PCDHGA9: variants seen among roughly 807,000 people sequenced by gnomAD.
PCDHGA9 encodes the protein protocadherin gamma-A9.
In PCDHGA9, 37 loss-of-function variants were observed where a neutral mutation model predicts 62.5. The ratio of observed to expected loss-of-function variants is 0.59; its 90% CI spans 0.46 to 0.78. The LOEUF is 0.78. PCDHGA9 is among the 30% of genes least tolerant of loss of function. PCDHGA9 has a pLI of 0.00. For missense variants in PCDHGA9, 1,138 were observed against 1,166.2 expected (o/e 0.98, Z 0.35); for synonymous variants, 459 against 484.6 (o/e 0.95, Z 0.69).
chr5:141,467,321 G>A (rs2099141786), intron 1 of PCDHGA9, among the ~76,000 whole-genome samples: 2 of 152,024 alleles, frequency 1.3e-5, no homozygotes, highest in East Asian at 1.9e-4. Context: ...CCACAGTGCT[G>A]GGATTAGAGA....
chr5:141,415,761 T>G (rs1047830043), intron 1 of PCDHGA9: 49 of 1,399,492 alleles, frequency 3.5e-5, no homozygotes, highest in Admixed American at 1.6e-4. Context: ...TTTTTTTTTT[T>G]TTTTTTTTTT....
Position 141,405,332 on chromosome 5 carries a change from T to C in PCDHGA9, c.2380T>C (p.Ser794Pro). Residue 794 changes from serine to proline, a missense_variant, in exon 1 of 4, where the codon TCT becomes CCT. Ser to Pro is a moderately conservative substitution (Grantham distance 74). Transcript: ENST00000573521. ...SCEKNEPLCV[S>P]VDSKFPIEDT... ...TGAGAAAAATGAGCCTTTGTGCGTC[T>C]CTGTTGATTCCAAGTTTCCTATAGA... 6.2e-7 allele frequency: 1 copy of C among 1,614,222 alleles called. No homozygotes were observed. Among genetic ancestry groups the C allele is most frequent in the Non-Finnish European group, 8.5e-7 (1 of 1,180,030 alleles).
chr5:141,506,162 C>T (rs1448735916), intron 3 of PCDHGA9, among the ~76,000 whole-genome samples: 1 of 152,124 alleles, frequency 6.6e-6, no homozygotes, highest in Non-Finnish European at 1.5e-5. Flanking sequence ...CTTAAGAGCA[C>T]AGCCTAAGCT....
At chr5:141,408,697 C>T (rs58047392) in intron 1 of PCDHGA9, 227,396 of 1,612,898 alleles carry the variant, frequency 0.14, 18,149 homozygotes, top group African/African-American at 0.31. Context: ...TAAACATAAA[C>T]TCAATTAAAG....
At chr5:141,502,724 C>T (rs1288841230) in intron 2 of PCDHGA9, among the ~76,000 whole-genome samples, 2 of 152,134 alleles carry the variant, frequency 1.3e-5, no homozygotes, top group African/African-American at 4.8e-5. Context: ...GATTACAAAG[C>T]GGTGATGTTC....
intron 1 of PCDHGA9, among the ~76,000 whole-genome samples, chr5:141,454,353 A>G (rs2098787486): frequency 1.3e-5 from 2 of 152,238 alleles, no homozygotes; most frequent in Non-Finnish European, 2.9e-5. Context: ...AGTTGATCCA[A>G]ACTTAGAAAG....
intron 1 of PCDHGA9, chr5:141,418,261 G>T (rs763160633): frequency 1.9e-6 from 3 of 1,613,938 alleles, no homozygotes; most frequent in Non-Finnish European, 2.5e-6. Flanking sequence ...CTCAATTCCG[G>T]AAAGATGAAA....
At chr5:141,441,820 G>A in intron 1 of PCDHGA9, 1 of 359,390 alleles carries the variant, frequency 2.8e-6, no homozygotes, top group Non-Finnish European at 5.5e-6. Flanking sequence ...CCCAGCTCTG[G>A]AGCGCAATGG....
intron 1 of PCDHGA9, among the ~76,000 whole-genome samples, chr5:141,425,440 A>G (rs1438530374): frequency 2.0e-5 from 3 of 152,248 alleles, no homozygotes; most frequent in Non-Finnish European, 4.4e-5. Flanking sequence ...GAGGATAAAA[A>G]TAAAACACCA....
At chr5:141,445,490 C>A (rs1181158971) in intron 1 of PCDHGA9, among the ~76,000 whole-genome samples, 1 of 152,134 alleles carries the variant, frequency 6.6e-6, no homozygotes, top group African/African-American at 2.4e-5. Flanking sequence ...AGTTAATGGG[C>A]CCTATTCTAA....
At chr5:141,425,173 T>A (rs182492696) in intron 1 of PCDHGA9, among the ~76,000 whole-genome samples, 5 of 152,284 alleles carry the variant, frequency 3.3e-5, no homozygotes, top group Admixed American at 3.3e-4. Context: ...GGATTTATAC[T>A]TGTGGAATTC....
At position 141,487,565 on chromosome 5, in the gene PCDHGA9, G is replaced by A. The variant is rs1473034794; in HGVS notation, c.2425-7242G>A. ...GTCACCCAGTGCACCTATGGCAGGGGAGCCTGTTCGCCCAAGCTGCCCACC... is the reference window on the plus strand; with the variant it reads ...GTCACCCAGTGCACCTATGGCAGGGAAGCCTGTTCGCCCAAGCTGCCCACC... On this transcript the variant is annotated intron_variant, in intron 1 of 3. Transcript: ENST00000573521. This position sits in a 1 kb window ranked among gnomAD's most constrained non-coding sequence, Gnocchi z 5.0. The A allele has an allele frequency of 6.2e-7, 1 of 1,614,164 alleles. No individual in the cohort carries two copies. Among genetic ancestry groups the A allele is most frequent in the East Asian group, 2.2e-5 (1 of 44,856 alleles).
At chr5:141,407,407 G>A (rs558103918) in intron 1 of PCDHGA9, among the ~76,000 whole-genome samples, 17 of 152,216 alleles carry the variant, frequency 1.1e-4, no homozygotes, top group African/African-American at 3.6e-4. Context: ...GTTACTATTC[G>A]ATACCACAAA....
At chr5:141,417,304 AG>A (rs1315238937) in intron 1 of PCDHGA9, 1 of 152,318 alleles carries the variant, frequency 6.6e-6, no homozygotes, top group East Asian at 1.9e-4. Context: ...CTCTGGATGG[AG>A]GAATTGGATA....
Position 141,512,288 on chromosome 5 carries a change from TCAGCGGAGCCCCAGCAGGAAGGGTGGGC to T in PCDHGA9, c.*1120_*1147del, listed in dbSNP as rs1375137843. The T allele has an allele frequency of 6.5e-6, 1 of 152,680 alleles. No individual in the cohort carries two copies. Among genetic ancestry groups the T allele is most frequent in the Non-Finnish European group, 1.5e-5 (1 of 68,182 alleles). The allele number at this position is 152,680 out of a possible 1,614,324, so 9.5% of individuals were successfully genotyped here. ...TCCAGAGGTGCCACTGGTGGAAGGG[TCAGCGGAGCCCCAGCAGGAAGGGTGGGC>T]CAGCCAGGCCATTCTTAGTCCCTGG... On this transcript the variant is annotated 3_prime_UTR_variant, in exon 4 of 4. Coordinates refer to ENST00000573521, the MANE Select transcript of PCDHGA9 (RefSeq NM_018921.3).
At position 141,418,573 on chromosome 5, in the gene PCDHGA9, C is replaced by A. The variant is rs749104686; in HGVS notation, c.2424+13197C>A. 5.0e-6 allele frequency: 8 copies of A among 1,613,826 alleles called. No individual in the cohort carries two copies. The South Asian group carries it at 5.5e-5, about 11-fold the overall frequency. Reference sequence around the variant, plus strand: ...TCCTGGTAATAGATGCCAATGACAACCCCCCAGTGTTCAGCCAGGACGTGT... The same window carrying A: ...TCCTGGTAATAGATGCCAATGACAAACCCCCAGTGTTCAGCCAGGACGTGT... On this transcript the variant is annotated intron_variant, in intron 1 of 3. Transcript: ENST00000573521.
intron 2 of PCDHGA9, among the ~76,000 whole-genome samples, chr5:141,500,184 T>TTTTATTTATTTATTTA (rs58019021): frequency 1.5e-5 from 2 of 135,886 alleles, no homozygotes; most frequent in African/African-American, 5.4e-5. Flanking sequence ...TCATTTTTAT[T>TTTTATTTATTTATTTA]TTTATTTATT....
intron 1 of PCDHGA9, chr5:141,405,626 C>G (rs1329214735): frequency 3.7e-6 from 2 of 538,556 alleles, no homozygotes; most frequent in South Asian, 5.3e-5. Context: ...AGGCACGTGC[C>G]ACCACGCCCG....
chr5:141,476,142 G>T lies in PCDHGA9; in HGVS notation c.2425-18665G>T. 6.2e-7 allele frequency: 1 copy of T among 1,610,446 alleles called. No individual in the cohort carries two copies. Among genetic ancestry groups the T allele is most frequent in the South Asian group, 1.1e-5 (1 of 90,868 alleles). On this transcript the variant is annotated intron_variant, in intron 1 of 3. Coordinates refer to ENST00000573521, the MANE Select transcript of PCDHGA9 (RefSeq NM_018921.3). The surrounding 1 kb of genome is among the most constrained non-coding windows in gnomAD (Gnocchi z 7.6). Reference sequence around the variant, plus strand: ...ATGGTCCCAGAGGCCTGGAGGAGCGGACTGGTAAGCACCGGGAGGGTAGTG... The same window carrying T: ...ATGGTCCCAGAGGCCTGGAGGAGCGTACTGGTAAGCACCGGGAGGGTAGTG...
Sources: gnomAD v4.1 joint callset for allele counts (sites outside exome capture counted in the v4.1 genomes callset) on GRCh38, gnomAD v4.1.1 for gene constraint, Gnocchi (gnomAD v3.1) non-coding constraint, MANE v1.5 for transcripts, NCBI Gene and HGNC (gene_info 2026-07-23, HGNC 2026-07-21) for gene names.